Variants in PCDHGA8 observed in about 807,000 individuals in gnomAD.
PCDHGA8 encodes the protein protocadherin gamma subfamily A, 8, also known as protocadherin gamma-A8.
PCDHGA8 carries 45 observed loss-of-function variants against 59.2 expected under a neutral mutation model. That is an observed-to-expected ratio of 0.76 (90% CI 0.60 to 0.98). PCDHGA8 has a LOEUF of 0.98. PCDHGA8 is among the 50% of genes least tolerant of loss of function. The pLI is 0.00. For synonymous variants in PCDHGA8, 531 were observed against 519.0 expected (o/e 1.02, Z -0.32); for missense variants, 1,257 against 1,196.2 (o/e 1.05, Z -0.75).
intron 1 of PCDHGA8, chr5:141,409,314 C>G: frequency 1.9e-6 from 3 of 1,613,878 alleles, no homozygotes; most frequent in Non-Finnish European, 2.5e-6. Flanking sequence ...CTCTTCAAAA[C>G]ACGGGATCTG....
chr5:141,422,018 T>C, intron 1 of PCDHGA8: 1 of 1,610,840 alleles, frequency 6.2e-7, no homozygotes, highest in Non-Finnish European at 8.5e-7. Context: ...CGGGTGCTGA[T>C]GGTTAATGCA....
chr5:141,500,894 C>G (rs1221911920), intron 2 of PCDHGA8, among the ~76,000 whole-genome samples: 1 of 150,982 alleles, frequency 6.6e-6, no homozygotes, highest in African/African-American at 2.4e-5. Flanking sequence ...TTTTTTGAGA[C>G]AGTCTCGCTC....
At chr5:141,463,261 T>G (rs552225283) in intron 1 of PCDHGA8, among the ~76,000 whole-genome samples, 29 of 152,134 alleles carry the variant, frequency 1.9e-4, no homozygotes, top group African/African-American at 6.3e-4. Context: ...TAGTACTCTA[T>G]CCCATAAATT....
intron 1 of PCDHGA8, among the ~76,000 whole-genome samples, chr5:141,445,945 C>G (rs1433543714): frequency 1.3e-5 from 2 of 152,254 alleles, no homozygotes; most frequent in Non-Finnish European, 2.9e-5. Flanking sequence ...TAAGCTTACT[C>G]TGGCTGCTAT....
intron 1 of PCDHGA8, chr5:141,398,685 G>T: frequency 6.2e-7 from 1 of 1,613,966 alleles, no homozygotes; most frequent in Non-Finnish European, 8.5e-7. Flanking sequence ...AGGAGAAACA[G>T]GATGGTAGTA....
At chr5:141,447,642 T>G (rs1275164919) in intron 1 of PCDHGA8, among the ~76,000 whole-genome samples, 2 of 152,166 alleles carry the variant, frequency 1.3e-5, no homozygotes, top group Non-Finnish European at 2.9e-5. Flanking sequence ...TGAATGATGG[T>G]AGAATTTTCC....
Position 141,510,866 on chromosome 5 carries a change from C to G in PCDHGA8, c.2573-81C>G. 1.9e-6 allele frequency: 3 copies of G among 1,607,908 alleles called. No homozygotes were observed. The East Asian group carries it at 6.7e-5, about 36-fold the overall frequency. ...AGGCCCAGGGTGCTGTATAGGCATT[C>G]ATTAACTGCTGGGGATATAAGACAG... On this transcript the variant is annotated intron_variant, in intron 3 of 3. Coordinates refer to ENST00000398604, the MANE Select transcript of PCDHGA8 (RefSeq NM_032088.2).
At chr5:141,399,675 T>C (rs753709757) in intron 1 of PCDHGA8, 3 of 1,613,618 alleles carry the variant, frequency 1.9e-6, no homozygotes, top group South Asian at 2.2e-5. Context: ...AGCGCGCCTT[T>C]GACTACGAGC....
intron 1 of PCDHGA8, chr5:141,433,160 A>G: frequency 1.9e-6 from 3 of 1,613,848 alleles, no homozygotes; most frequent in Middle Eastern, 1.7e-4. Context: ...GGTATTTTCT[A>G]AAGACAGTCA....
chr5:141,491,876 A>G lies in PCDHGA8; in HGVS notation c.2425-2931A>G. ...TTGCGCGAAACCAGAGTGGCCGATT[A>G]AGGGATGGGGCTCCGAGCACCGGGG... On this transcript the variant is annotated intron_variant, in intron 1 of 3. Coordinates refer to ENST00000398604, the MANE Select transcript of PCDHGA8 (RefSeq NM_032088.2). The surrounding 1 kb of genome is among the most constrained non-coding windows in gnomAD (Gnocchi z 6.9). 2.1e-6 allele frequency: 3 copies of G among 1,450,326 alleles called. No individual in the cohort carries two copies. Among genetic ancestry groups the G allele is most frequent in the Non-Finnish European group, 1.8e-6 (2 of 1,097,472 alleles). 89.8% of individuals were successfully genotyped at this position (1,450,326 alleles called of 1,614,324 possible).
At chr5:141,492,009 G>C in intron 1 of PCDHGA8, 1 of 617,702 alleles carries the variant, frequency 1.6e-6, no homozygotes, top group Non-Finnish European at 2.7e-6. Flanking sequence ...GATTTCCGCG[G>C]GTGTCGGGGG....
At chr5:141,395,431 C>T (rs929194882) in intron 1 of PCDHGA8, 194 bp downstream of exon 1, 19 of 702,102 alleles carry the variant, frequency 2.7e-5, no homozygotes, top group Non-Finnish European at 4.0e-5. Context: ...TGCTTTTAAA[C>T]GACTTGGAAA....
At chr5:141,413,827 G>A (rs2154544774) in intron 1 of PCDHGA8, 1 of 1,613,200 alleles carries the variant, frequency 6.2e-7, no homozygotes. Context: ...GGTCCTCACC[G>A]CCTCCGACGG....
In PCDHGA8 at chr5:141,431,930, C is replaced by A. The variant is rs761060241; in HGVS notation, c.2424+36693C>A. 236 of 1,613,932 alleles carry A rather than the reference C, an allele frequency of 1.5e-4. 1 individual carries two copies. The highest frequency in any genetic ancestry group is 1.4e-3 in the South Asian group (124 of 91,086). The stretch of plus-strand genomic sequence containing the variant: ...GATCTGTTTCATCCAAGGAAATCTG[C>A]CCTTTAAATTAGAAAAATCTTACGG... On this transcript the variant is annotated intron_variant, in intron 1 of 3. Transcript: ENST00000398604. This position sits in a 1 kb window ranked among gnomAD's most constrained non-coding sequence, Gnocchi z 4.8.
rs781192019 is a variant in PCDHGA8, at chr5:141,393,577, T to C, written c.764T>C (p.Met255Thr). 1 of 1,613,890 alleles carries C rather than the reference T, an allele frequency of 6.2e-7. No individual in the cohort carries two copies. The highest frequency in any genetic ancestry group is 1.7e-5 in the Admixed American group (1 of 60,032). The change falls in exon 1 of 4, where the codon ATG (methionine) becomes ACG (threonine). Residue 255 changes from methionine to threonine, a missense_variant. By Grantham distance (81) the Met-to-Thr change is moderately conservative. Coordinates refer to ENST00000398604, the MANE Select transcript of PCDHGA8 (RefSeq NM_032088.2). ...PIYRVKVLEN[M>T]PPGTRLLTVT... ...TACCGAGTGAAAGTCCTTGAGAACA[T>C]GCCCCCAGGCACGCGGCTGCTTACT...
rs764843194 is a variant in PCDHGA8 at position 141,490,530 on chromosome 5, T to A, written c.2425-4277T>A. 1.2e-6 allele frequency: 2 copies of A among 1,613,794 alleles called. No individual in the cohort carries two copies. Among genetic ancestry groups the A allele is most frequent in the African/African-American group, 2.7e-5 (2 of 74,846 alleles). ...TCGAGCTGCTGGCCAGCGATGCTGG[T>A]TCACCTTCCCTACACAAACATCTCA... On this transcript the variant is annotated intron_variant, in intron 1 of 3. Coordinates refer to ENST00000398604, the MANE Select transcript of PCDHGA8 (RefSeq NM_032088.2). This position sits in a 1 kb window ranked among gnomAD's most constrained non-coding sequence, Gnocchi z 5.4.
intron 1 of PCDHGA8, among the ~76,000 whole-genome samples, chr5:141,468,777 A>T (rs2099178581): frequency 6.7e-6 from 1 of 150,364 alleles, no homozygotes; most frequent in Non-Finnish European, 1.5e-5. Flanking sequence ...GAGGCAGGAG[A>T]ATGGCGTGAA....
At chr5:141,460,159 T>A (rs1313260289) in intron 1 of PCDHGA8, among the ~76,000 whole-genome samples, 3 of 152,260 alleles carry the variant, frequency 2.0e-5, no homozygotes, top group Non-Finnish European at 1.5e-5. Context: ...CTTTGTCACA[T>A]ACATATTTTG....
chr5:141,461,591 C>T (rs1368759571), intron 1 of PCDHGA8, among the ~76,000 whole-genome samples: 1 of 152,088 alleles, frequency 6.6e-6, no homozygotes, highest in Non-Finnish European at 1.5e-5. Flanking sequence ...GTTATATTTC[C>T]ATTATAATTT....
Sources: gnomAD v4.1 joint callset for allele counts (sites outside exome capture counted in the v4.1 genomes callset) on GRCh38, gnomAD v4.1.1 for gene constraint, Gnocchi (gnomAD v3.1) non-coding constraint, MANE v1.5 for transcripts, NCBI Gene and HGNC (gene_info 2026-07-23, HGNC 2026-07-21) for gene names.